The following UTS2 variants were observed in gnomAD, a reference collection of about 807,000 sequenced individuals.
The protein encoded by UTS2 is urotensin 2, also known as urotensin-2.
In UTS2, 10 loss-of-function variants were observed where a neutral mutation model predicts 12.6. That is an observed-to-expected ratio of 0.80 (90% CI 0.49 to 1.35). The LOEUF (loss-of-function observed/expected upper bound fraction) is 1.35, where lower values mean the gene tolerates loss of function less well. UTS2 is among the 40% of genes most tolerant of loss of function. The probability of loss-of-function intolerance (pLI) is 0.00; values close to 1 mark genes in which losing one functional copy is unlikely to be tolerated. For synonymous variants in UTS2, 52 were observed against 50.0 expected (o/e 1.04, Z -0.17); for missense variants, 142 against 143.2 (o/e 0.99, Z 0.04).
the UTS2 span, among the ~76,000 whole-genome samples, chr1:7,880,815 G>A: frequency 6.6e-6 from 1 of 152,118 alleles, no homozygotes; most frequent in African/African-American, 2.4e-5. Flanking sequence ...GCATTACCCT[G>A]ATACCAAACC....
upstream of UTS2, among the ~76,000 whole-genome samples, chr1:7,854,788 A>G (rs571004071): frequency 2.3e-4 from 35 of 152,298 alleles, no homozygotes; most frequent in African/African-American, 6.0e-4. Context: ...GAAGTAATAC[A>G]CATGCGAATT....
At chr1:7,908,294 C>CAA in the UTS2 span, among the ~76,000 whole-genome samples, 4 of 113,630 alleles carry the variant, frequency 3.5e-5, no homozygotes, top group Non-Finnish European at 6.5e-5. Context: ...GAGACTCCGT[C>CAA]TAAAAAAAAA....
the UTS2 span, among the ~76,000 whole-genome samples, chr1:7,867,160 A>G: frequency 6.6e-6 from 1 of 152,044 alleles, no homozygotes; most frequent in African/African-American, 2.4e-5. Context: ...GTGAGCCACC[A>G]CACATGGCCC....
chr1:7,906,504 A>AAAGAAAGAAAGAAAGG, the UTS2 span, among the ~76,000 whole-genome samples: 1 of 150,378 alleles, frequency 6.6e-6, no homozygotes, highest in Non-Finnish European at 1.5e-5. Context: ...AGAAAGAAAG[A>AAAGAAAGAAAGAAAGG]AAGAAAAGAG....
chr1:7,869,923 AT>A, the UTS2 span, among the ~76,000 whole-genome samples: 1 of 152,232 alleles, frequency 6.6e-6, no homozygotes, highest in African/African-American at 2.4e-5. Context: ...GAGAACATTA[AT>A]TGCTGCTGAG....
At chr1:7,862,980 ATTGTG>A in the UTS2 span, among the ~76,000 whole-genome samples, 14,950 of 52,152 alleles carry the variant, frequency 0.29, 1,409 homozygotes, top group African/African-American at 0.39. Context: ...GCCGTTATTT[ATTGTG>A]TTGTGTTGTA....
rs1180034597 is a variant in UTS2 at position 7,847,612 on chromosome 1, T to C, written c.*154A>G. The C allele has an allele frequency of 1.7e-6, 1 of 596,418 alleles. No individual in the cohort carries two copies. 36.9% of individuals were successfully genotyped at this position (596,418 alleles called of 1,614,324 possible). ...ATAGGGAAAATAACCACTCATGATA[T>C]GTGCAAAACATAGAGGATTTATTTT... On this transcript the variant is annotated 3_prime_UTR_variant, in exon 4 of 4. Transcript: ENST00000361696.
At chr1:7,854,554 A>C (rs543018597), upstream of UTS2, among the ~76,000 whole-genome samples, 3 of 151,592 alleles carry the variant, frequency 2.0e-5, no homozygotes, top group East Asian at 5.8e-4. Context: ...GTTACAACGT[A>C]ATGATAGAAC....
the UTS2 span, among the ~76,000 whole-genome samples, chr1:7,887,679 T>C: frequency 6.7e-6 from 1 of 149,944 alleles, no homozygotes; most frequent in Admixed American, 6.7e-5. Flanking sequence ...GGTGGGAGGA[T>C]TGCTTGAGTC....
At chr1:7,887,497 C>G in the UTS2 span, among the ~76,000 whole-genome samples, 1 of 150,930 alleles carries the variant, frequency 6.6e-6, no homozygotes, top group South Asian at 2.1e-4. Context: ...TTGTGGCTCA[C>G]GCCTATAATC....
At chr1:7,906,403 A>G in the UTS2 span, among the ~76,000 whole-genome samples, 1 of 150,814 alleles carries the variant, frequency 6.6e-6, no homozygotes, top group African/African-American at 2.4e-5. Flanking sequence ...GCACAGCAAG[A>G]AAGAAAGAAA....
the UTS2 span, among the ~76,000 whole-genome samples, chr1:7,885,922 T>TGGGGG: frequency 1.1e-5 from 1 of 91,934 alleles, no homozygotes. Context: ...GGGGGGCGGG[T>TGGGGG]GGAGGTGGAG....
the UTS2 span, among the ~76,000 whole-genome samples, chr1:7,888,082 A>T: frequency 2.0e-5 from 3 of 152,306 alleles, no homozygotes; most frequent in South Asian, 2.1e-4. Context: ...TTCACGTTGA[A>T]CACTTGCTTC....
chr1:7,885,918 C>CG, the UTS2 span, among the ~76,000 whole-genome samples: 189 of 24,504 alleles, frequency 7.7e-3, no homozygotes, highest in African/African-American at 0.015. Context: ...TGGGGGGGGG[C>CG]GGGTGGAGGT....
At chr1:7,889,277 A>G in the UTS2 span, among the ~76,000 whole-genome samples, 1 of 150,410 alleles carries the variant, frequency 6.6e-6, no homozygotes, top group African/African-American at 2.4e-5. Flanking sequence ...AAAAAAAAAA[A>G]AAAAATTTAC....
chr1:7,909,774 C>T, the UTS2 span, among the ~76,000 whole-genome samples: 2 of 151,990 alleles, frequency 1.3e-5, no homozygotes, highest in Non-Finnish European at 2.9e-5. Flanking sequence ...GCGCCCACCA[C>T]CACGCCCAGC....
upstream of UTS2, among the ~76,000 whole-genome samples, chr1:7,855,494 G>A (rs529910142): frequency 9.8e-4 from 149 of 152,256 alleles, no homozygotes; most frequent in Non-Finnish European, 1.8e-3. Flanking sequence ...TGAGGCAGGA[G>A]GATAGCTTCA....
chr1:7,862,161 C>A, the UTS2 span, among the ~76,000 whole-genome samples: 1 of 151,854 alleles, frequency 6.6e-6, no homozygotes, highest in South Asian at 2.1e-4. Flanking sequence ...GATTCCCCCC[C>A]CGCCCCCGCA....
the UTS2 span, among the ~76,000 whole-genome samples, chr1:7,897,481 T>C: frequency 6.6e-6 from 1 of 152,248 alleles, no homozygotes; most frequent in African/African-American, 2.4e-5. Flanking sequence ...ACTCTATAAA[T>C]CAATTTGGAG....
Sources: gnomAD v4.1 joint callset for allele counts (sites outside exome capture counted in the v4.1 genomes callset) on GRCh38, gnomAD v4.1.1 for gene constraint, MANE v1.5 for transcripts, NCBI Gene and HGNC (gene_info 2026-07-23, HGNC 2026-07-21) for gene names.